EEFSEC: variants seen among roughly 807,000 people sequenced by gnomAD.
The protein encoded by EEFSEC is eukaryotic elongation factor, selenocysteine-tRNA specific, also known as selenocysteine-specific elongation factor.
Under a neutral mutation model 42.1 loss-of-function variants are expected in EEFSEC, and 43 were observed. That is an observed-to-expected ratio of 1.02 (90% CI 0.80 to 1.32). The LOEUF is 1.32. EEFSEC is among the 40% of genes most tolerant of loss of function. The pLI is 0.00. For missense variants in EEFSEC, 745 were observed against 803.6 expected, an observed-to-expected ratio of 0.93 and a Z score of 0.88; for synonymous variants, 354 against 339.1, an observed-to-expected ratio of 1.04 and a Z score of -0.48.
intron 1 of EEFSEC, among the ~76,000 whole-genome samples, chr3:128,213,193 C>T (rs1038206606): frequency 1.3e-5 from 2 of 152,176 alleles, no homozygotes; most frequent in African/African-American, 4.8e-5. Context: ...TACTTATAGG[C>T]TGTGTGGCCT....
chr3:128,269,116 C>T (rs979026882), intron 4 of EEFSEC, among the ~76,000 whole-genome samples: 1 of 152,224 alleles, frequency 6.6e-6, no homozygotes, highest in Admixed American at 6.5e-5. Flanking sequence ...CCTTTCTTTC[C>T]TGGCATGCCC....
Position 128,317,503 on chromosome 3 carries a change from C to G in EEFSEC, c.787-23730C>G, listed in dbSNP as rs1442510652. Among the ~76,000 whole-genome samples, 1 of 152,234 alleles carries G rather than the reference C, an allele frequency of 6.6e-6. No individual in the cohort carries two copies. Among genetic ancestry groups the G allele is most frequent in the Non-Finnish European group, 1.5e-5 (1 of 68,042 alleles). ...GGCTGGCGTCCTCTTCCTGTCATTACAGTTTGCTCCGATTTGCTCTGTGCC... is the reference window on the plus strand; with the variant it reads ...GGCTGGCGTCCTCTTCCTGTCATTAGAGTTTGCTCCGATTTGCTCTGTGCC... On this transcript the variant is annotated intron_variant, in intron 4 of 6. Transcript: ENST00000254730. This position sits in a 1 kb window ranked among gnomAD's most constrained non-coding sequence, Gnocchi z 4.1.
intron 1 of EEFSEC, among the ~76,000 whole-genome samples, chr3:128,209,705 T>C (rs183674511): frequency 6.6e-6 from 1 of 152,362 alleles, no homozygotes; most frequent in East Asian, 1.9e-4. Context: ...AGTACACATA[T>C]ATACACGCAC....
intron 2 of EEFSEC, among the ~76,000 whole-genome samples, chr3:128,249,807 A>G (rs755787768): frequency 1.3e-5 from 2 of 152,184 alleles, no homozygotes; most frequent in Non-Finnish European, 2.9e-5. Context: ...TTATGTCTAT[A>G]TACCACATTT....
At chr3:128,242,754 TA>T (rs1482488554) in intron 1 of EEFSEC, among the ~76,000 whole-genome samples, 4 of 152,192 alleles carry the variant, frequency 2.6e-5, no homozygotes, top group African/African-American at 9.7e-5. Flanking sequence ...TTAACCCTAT[TA>T]TAATTATTCT....
chr3:128,289,011 T>C (rs1209044254), intron 4 of EEFSEC, among the ~76,000 whole-genome samples: 1 of 152,210 alleles, frequency 6.6e-6, no homozygotes, highest in Non-Finnish European at 1.5e-5. Flanking sequence ...AGTATCGCTA[T>C]CTCTGATCAG....
intron 6 of EEFSEC, among the ~76,000 whole-genome samples, chr3:128,372,949 T>A (rs2067671066): frequency 6.6e-6 from 1 of 152,232 alleles, no homozygotes; most frequent in Non-Finnish European, 1.5e-5. Context: ...ATGAAACCTC[T>A]GAGTTGTTCC....
chr3:128,375,160 G>A (rs1394215056), intron 6 of EEFSEC, among the ~76,000 whole-genome samples: 1 of 152,220 alleles, frequency 6.6e-6, no homozygotes, highest in Non-Finnish European at 1.5e-5. Context: ...CAAGTGCCTG[G>A]ACCCTTAGAA....
intron 1 of EEFSEC, among the ~76,000 whole-genome samples, chr3:128,209,765 T>G (rs1239626820): frequency 1.3e-5 from 2 of 152,236 alleles, no homozygotes; most frequent in African/African-American, 4.8e-5. Context: ...AACTATGAAC[T>G]TGAGCTATGA....
chr3:128,210,330 C>T (rs73861028), intron 1 of EEFSEC, among the ~76,000 whole-genome samples: 4 of 152,276 alleles, frequency 2.6e-5, no homozygotes, highest in African/African-American at 9.6e-5. Context: ...CAGAGAGGCA[C>T]GCTGACTTGA....
chr3:128,234,339 C>T (rs2065987077), intron 1 of EEFSEC, among the ~76,000 whole-genome samples: 1 of 152,280 alleles, frequency 6.6e-6, no homozygotes, highest in South Asian at 2.1e-4. Context: ...AGGCATGAGC[C>T]ACCGCTCCCA....
At chr3:128,398,386 T>TGTG (rs2068008667) in intron 6 of EEFSEC, among the ~76,000 whole-genome samples, 1 of 151,930 alleles carries the variant, frequency 6.6e-6, no homozygotes, top group South Asian at 2.1e-4. Context: ...AAGAGGAATG[T>TGTG]GTGGTAAGGA....
intron 1 of EEFSEC, among the ~76,000 whole-genome samples, chr3:128,213,889 A>C (rs2065784045): frequency 6.6e-6 from 1 of 152,200 alleles, no homozygotes; most frequent in Non-Finnish European, 1.5e-5. Context: ...AGAATGTCAA[A>C]GTCACAAAAG....
chr3:128,195,610 C>T (rs1337465636), intron 1 of EEFSEC, among the ~76,000 whole-genome samples: 2 of 152,192 alleles, frequency 1.3e-5, no homozygotes, highest in South Asian at 2.1e-4. Context: ...TGCTGAGCCT[C>T]GTCTCCTCTC....
chr3:128,175,139 C>T (rs1291289500), intron 1 of EEFSEC, among the ~76,000 whole-genome samples: 1 of 150,634 alleles, frequency 6.6e-6, no homozygotes, highest in Non-Finnish European at 1.5e-5. Flanking sequence ...TCCCACGCCT[C>T]CCCCCGCTCC....
chr3:128,188,646 G>A (rs563010878), intron 1 of EEFSEC, among the ~76,000 whole-genome samples: 2 of 152,286 alleles, frequency 1.3e-5, no homozygotes, highest in African/African-American at 2.4e-5. Flanking sequence ...CCACAGTATC[G>A]CATCTAATTG....
intron 4 of EEFSEC, among the ~76,000 whole-genome samples, chr3:128,267,351 G>A (rs181021069): frequency 6.6e-6 from 1 of 152,294 alleles, no homozygotes; most frequent in African/African-American, 2.4e-5. Context: ...CAGGTGCTTG[G>A]CAGATACAAA....
intron 1 of EEFSEC, among the ~76,000 whole-genome samples, chr3:128,180,614 A>G (rs1199063813): frequency 1.3e-5 from 2 of 152,262 alleles, no homozygotes; most frequent in Non-Finnish European, 2.9e-5. Flanking sequence ...GCAGTGAATT[A>G]CAGATGTGCA....
chr3:128,287,319 T>TG (rs1559903524), intron 4 of EEFSEC, among the ~76,000 whole-genome samples: 2 of 150,244 alleles, frequency 1.3e-5, no homozygotes, highest in Admixed American at 6.6e-5. Flanking sequence ...TGTGCAGCCA[T>TG]GGGGGGAGGA....
Sources: allele counts gnomAD v4.1 joint callset (sites outside exome capture counted in the v4.1 genomes callset), GRCh38; gene constraint gnomAD v4.1.1; non-coding constraint Gnocchi (gnomAD v3.1); transcripts MANE v1.5; gene names NCBI Gene and HGNC (gene_info 2026-07-23, HGNC 2026-07-21).